Variants in DMKN observed in about 807,000 individuals in gnomAD.
DMKN encodes the protein epidermis-specific secreted protein SK30/SK89.
In DMKN, 58 loss-of-function variants were observed where a neutral mutation model predicts 67.6. The observed-to-expected ratio is 0.86, with a 90% CI of 0.69 to 1.07. The LOEUF (loss-of-function observed/expected upper bound fraction) is 1.07. DMKN is among the 50% of genes least tolerant of loss of function. The probability of loss-of-function intolerance (pLI) is 0.00; values close to 1 mark genes in which losing one functional copy is unlikely to be tolerated. For synonymous variants in DMKN, 240 were observed against 232.3 expected, an observed-to-expected ratio of 1.03 and a Z score of -0.30; for missense variants, 596 against 601.5, an observed-to-expected ratio of 0.99 and a Z score of 0.10.
rs2070341274 is a variant in DMKN, at chr19:35,509,665, T to C, written c.1038+246A>G. On this transcript the variant is annotated intron_variant, in intron 7 of 15. Coordinates refer to ENST00000339686, the MANE Select transcript of DMKN (RefSeq NM_033317.5). ...AATTGTGCTTCTAAAAGGACCGGTT[T>C]ACATGGAATTTCTCCCAGCCCCATC... 8.2e-6 allele frequency: 4 copies of C among 488,854 alleles called. No individual in the cohort carries two copies. In the South Asian group the frequency reaches 1.3e-4, roughly 16 times the overall value. The allele number at this position is 488,854 out of a possible 1,614,324, so 30.3% of individuals were successfully genotyped here. A position where few individuals can be genotyped will look rare whatever the true frequency, so the allele number is the denominator to read the frequency against.
chr19:35,500,569 C>T lies in DMKN; in HGVS notation c.1251G>A (p.Ala417=), dbSNP rs778784899. ...TGCCTGCACGTTTCTGCAGTGATGACGCGTCCGCACCCTGAAAGGAAGAAG... is the reference window on the plus strand; with the variant it reads ...TGCCTGCACGTTTCTGCAGTGATGATGCGTCCGCACCCTGAAAGGAAGAAG... ...NWKAIIEGAD[A]SSLQKRAGRD... is the part of the protein sequence containing the mutation. The change falls in exon 12 of 16, where the codon GCG becomes GCA. Residue 417 remains alanine (A), a synonymous_variant. Transcript: ENST00000339686. The T allele has an allele frequency of 9.3e-6, 15 of 1,609,642 alleles. No individual in the cohort carries two copies. The African/African-American group carries it at 1.1e-4, about 11-fold the overall frequency.
rs779841455 is a variant in DMKN at position 35,511,483 on chromosome 19, ACTGCTGCCG to A, written c.837_845del (p.Ser281_Gly283del). 7.0e-4 allele frequency: 770 copies of A among 1,097,832 alleles called. 7 individuals are homozygous for A. In the African/African-American group the frequency reaches 0.015, roughly 21 times the overall value. 68.0% of individuals were successfully genotyped at this position (1,097,832 alleles called of 1,614,324 possible). On this transcript the variant is annotated inframe_deletion, in exon 5 of 16. Coordinates refer to ENST00000339686, the MANE Select transcript of DMKN (RefSeq NM_033317.5). ...CACTGCTGCCACCACTGCTGCCGCC[ACTGCTGCCG>A]CCACTGCTGCTGCCACTGCTGCTGC...
At chr19:35,498,943 G>A (rs1485803936) in intron 13 of DMKN, 46 bp from the exon 14 acceptor site, 2 of 1,613,978 alleles carry the variant, frequency 1.2e-6, no homozygotes, top group African/African-American at 1.3e-5. Context: ...TGGCCTCCCT[G>A]TACTCTGCCA....
At chr19:35,511,884 G>A (rs1364207225) in intron 3 of DMKN, 71 bp from the exon 4 acceptor site, 9 of 1,497,968 alleles carry the variant, frequency 6.0e-6, no homozygotes, top group Non-Finnish European at 8.1e-6. Context: ...CATGGACACA[G>A]GCCAGGCCTC....
intron 5 of DMKN, among the ~76,000 whole-genome samples, chr19:35,510,667 G>C (rs553534387): frequency 1.3e-5 from 2 of 152,224 alleles, no homozygotes; most frequent in African/African-American, 4.8e-5. Context: ...AGGATCATAC[G>C]GGGAGCGGCG....
intron 10 of DMKN, among the ~76,000 whole-genome samples, chr19:35,502,538 A>C (rs986070351): frequency 6.6e-6 from 1 of 152,002 alleles, no homozygotes; most frequent in Non-Finnish European, 1.5e-5. Flanking sequence ...GTCTCTACTA[A>C]AAATACAAAA....
In DMKN at chr19:35,513,107, G is replaced by A. The variant is rs140086096; in HGVS notation, c.369C>T (p.His123=). 5.8e-5 allele frequency: 94 copies of A among 1,614,112 alleles called. 1 individual carries two copies. The African/African-American group carries it at 6.5e-4, about 11-fold the overall frequency. ...IGRQAEDVIR[H]GADAVRGSWQ... ...AGGAGCCGCGGACAGCATCTGCTCC[G>A]TGTCGAATGACATCTTCTGCCTGTC... Residue 123 remains histidine (H), a synonymous_variant, in exon 1 of 16, where the codon CAC becomes CAT. Coordinates refer to ENST00000339686, the MANE Select transcript of DMKN (RefSeq NM_033317.5).
chr19:35,503,473 T>TG, intron 9 of DMKN: 1 of 1,484,270 alleles, frequency 6.7e-7, no homozygotes, highest in Non-Finnish European at 8.9e-7. Flanking sequence ...GGTTTTTTTT[T>TG]GTTTTTTTTT....
intron 13 of DMKN, 127 bp downstream of exon 13, chr19:35,499,831 C>T (rs2068049938): frequency 3.2e-6 from 3 of 946,954 alleles, no homozygotes; most frequent in African/African-American, 1.6e-5. Flanking sequence ...GGTGGGGAGG[C>T]CTGGACTCAA....
At position 35,511,480 on chromosome 19, in the gene DMKN, G is replaced by GCCACTGCTGCCA; in HGVS notation, c.848_849insTGGCAGCAGTGG (p.Gly288_Gly291dup). On this transcript the variant is annotated inframe_insertion, in exon 5 of 16. Transcript: ENST00000339686. ...TGCCACTGCTGCCACCACTGCTGCC[G>GCCACTGCTGCCA]CCACTGCTGCCGCCACTGCTGCTGC... The GCCACTGCTGCCA allele has an allele frequency of 2.2e-6, 2 of 922,938 alleles. No homozygotes were observed. The highest frequency in any genetic ancestry group is 4.2e-5 in the Admixed American group (1 of 24,044). 57.2% of individuals were successfully genotyped at this position (922,938 alleles called of 1,614,324 possible).
At chr19:35,512,326 C>T in intron 3 of DMKN, 95 bp downstream of exon 3, 1 of 1,506,424 alleles carries the variant, frequency 6.6e-7, no homozygotes, top group South Asian at 1.3e-5. Context: ...CCAATCCCTC[C>T]ACTCCCCCAT....
At position 35,507,589 on chromosome 19, in the gene DMKN, T is replaced by C. The variant is rs561962061; in HGVS notation, c.1039-1603A>G. ...GACGAGAGGGCAAGGAAGCAGGGTG[T>C]CGGCGAGGGATTCCTGAATCGGGGG... On this transcript the variant is annotated intron_variant, in intron 7 of 15. Transcript: ENST00000339686. The C allele has an allele frequency of 1.1e-5, 14 of 1,261,180 alleles. No individual in the cohort carries two copies. The East Asian group carries it at 3.0e-4, about 27-fold the overall frequency. The allele number at this position is 1,261,180 out of a possible 1,614,324, so 78.1% of individuals were successfully genotyped here. A position where few individuals can be genotyped will look rare whatever the true frequency, so the allele number is the denominator to read the frequency against.
chr19:35,513,175 C>A lies in DMKN; in HGVS notation c.301G>T (p.Glu101Ter), dbSNP rs1445353195. The change falls in exon 1 of 16, where the codon GAA (glutamate) becomes TAA (stop). Residue 101 changes from glutamate (E) to a stop codon, truncating the protein, a stop_gained. Coordinates refer to ENST00000339686, the MANE Select transcript of DMKN (RefSeq NM_033317.5). LOFTEE classifies it high-confidence loss of function. The part of the protein sequence containing the change: ...VADALGNRVG[E>*]AAHALGNTGH... ...GTGTTTCCCAGAGCATGGGCTGCTT[C>A]CCCGACCCTGTTGCCCAAAGCATCT... 3 of 1,614,214 alleles carry A rather than the reference C, an allele frequency of 1.9e-6. No homozygotes were observed. Among genetic ancestry groups the A allele is most frequent in the Non-Finnish European group, 2.5e-6 (3 of 1,180,028 alleles).
chr19:35,500,250 CCTCCTA>C, intron 12 of DMKN: 1 of 1,368,708 alleles, frequency 7.3e-7, no homozygotes, highest in Non-Finnish European at 1.0e-6. Flanking sequence ...GCCGCCTCCT[CCTCCTA>C]CTCCTCCTCC....
At chr19:35,510,326 A>G in intron 5 of DMKN, 74 bp from the exon 6 acceptor site, 2 of 1,554,006 alleles carry the variant, frequency 1.3e-6, no homozygotes, top group Non-Finnish European at 1.7e-6. Context: ...CAGCGGTGTT[A>G]CAGATTTGTT....
rs376743150 is a variant in DMKN, at chr19:35,509,208, G to A, written c.1038+703C>T. 1.6e-4 allele frequency among the ~76,000 whole-genome samples: 24 copies of A among 152,152 alleles called. No individual in the cohort carries two copies. In the East Asian group the frequency reaches 3.7e-3, roughly 23 times the overall value. ...TGCCCTCCAGCCTGGGTAACAGAGCGGGACTCCATCTCAAAAAGGAAAAAA... is the reference window on the plus strand; with the variant it reads ...TGCCCTCCAGCCTGGGTAACAGAGCAGGACTCCATCTCAAAAAGGAAAAAA... On this transcript the variant is annotated intron_variant, in intron 7 of 15. Transcript: ENST00000339686.
intron 15 of DMKN, 103 bp downstream of exon 15, chr19:35,498,613 T>G (rs2067840235): frequency 6.6e-7 from 1 of 1,506,904 alleles, no homozygotes; most frequent in Non-Finnish European, 9.0e-7. Context: ...TTCATGTCGC[T>G]GCCCACTGAG....
In DMKN at chr19:35,511,519, ACCACTG is replaced by A. The variant is rs774893283; in HGVS notation, c.804_809del (p.Ser269_Gly270del). Reference sequence around the variant, plus strand: ...CACTGCTGCTGCCACTGCTGCTGCCACCACTGCTGCTGCCATTGTTGTTGTCACCAT... The same window carrying A: ...CACTGCTGCTGCCACTGCTGCTGCCACTGCTGCCATTGTTGTTGTCACCAT... On this transcript the variant is annotated inframe_deletion, in exon 5 of 16. Transcript: ENST00000339686. The A allele has an allele frequency of 2.4e-6, 3 of 1,226,796 alleles. No homozygotes were observed. Among genetic ancestry groups the A allele is most frequent in the African/African-American group, 2.7e-5 (1 of 36,790 alleles). 76.0% of individuals were successfully genotyped at this position (1,226,796 alleles called of 1,614,324 possible). A position where few individuals can be genotyped will look rare whatever the true frequency, so the allele number is the denominator to read the frequency against.
chr19:35,506,042 C>A, intron 7 of DMKN, 56 bp from the exon 8 acceptor site: 1 of 1,613,488 alleles, frequency 6.2e-7, no homozygotes, highest in Non-Finnish European at 8.5e-7. Context: ...GAGCCAGAGT[C>A]GGGAGATCTG....
Sources: allele counts gnomAD v4.1 joint callset (sites outside exome capture counted in the v4.1 genomes callset), GRCh38; gene constraint gnomAD v4.1.1; transcripts MANE v1.5; gene names NCBI Gene and HGNC (gene_info 2026-07-23, HGNC 2026-07-21).